Variants in CDS1 observed in about 807,000 individuals in gnomAD.
The protein encoded by CDS1 is phosphatidate cytidylyltransferase 1.
In CDS1, 41 loss-of-function variants were observed where a neutral mutation model predicts 62.1. That is an observed-to-expected ratio of 0.66 (90% confidence interval 0.51 to 0.86). The LOEUF (loss-of-function observed/expected upper bound fraction) is 0.86. Ranked by LOEUF, CDS1 falls within the 40% of genes least tolerant of loss-of-function variation. CDS1 has a pLI of 0.00. For synonymous variants in CDS1, 185 were observed against 192.6 expected, an observed-to-expected ratio of 0.96 and a Z score of 0.32; for missense variants, 470 against 550.1, an observed-to-expected ratio of 0.85 and a Z score of 1.46.
chr4:84,620,465 G>A (rs1184569148), intron 5 of CDS1, among the ~76,000 whole-genome samples: 2 of 151,388 alleles, frequency 1.3e-5, no homozygotes, highest in Non-Finnish European at 2.9e-5. Flanking sequence ...CTCGTGATTC[G>A]CCTGCCTCAG....
At chr4:84,595,108 A>G (rs1722708660) in intron 1 of CDS1, among the ~76,000 whole-genome samples, 2 of 152,192 alleles carry the variant, frequency 1.3e-5, no homozygotes, top group South Asian at 4.1e-4. Flanking sequence ...GCAAGCTGTC[A>G]TATCAAAGCT....
chr4:84,621,011 G>C (rs1254656965), intron 5 of CDS1, among the ~76,000 whole-genome samples: 1 of 151,650 alleles, frequency 6.6e-6, no homozygotes, highest in Non-Finnish European at 1.5e-5. Flanking sequence ...GGTGAGCCGA[G>C]ATCACACCAT....
chr4:84,621,310 C>A (rs1723679959), intron 5 of CDS1, among the ~76,000 whole-genome samples: 1 of 152,114 alleles, frequency 6.6e-6, no homozygotes, highest in Non-Finnish European at 1.5e-5. Context: ...CTGGGTAATT[C>A]TTTTCCATTT....
intron 7 of CDS1, among the ~76,000 whole-genome samples, chr4:84,634,145 G>A (rs1337983360): frequency 6.6e-6 from 1 of 152,070 alleles, no homozygotes; most frequent in Non-Finnish European, 1.5e-5. Flanking sequence ...TCTTATTCAA[G>A]TTCCAAATAT....
At chr4:84,613,436 C>A (rs938746141) in intron 3 of CDS1, among the ~76,000 whole-genome samples, 1 of 152,088 alleles carries the variant, frequency 6.6e-6, no homozygotes, top group African/African-American at 2.4e-5. Context: ...TGGTGAAACC[C>A]TGTCTCTACT....
chr4:84,608,410 G>A (rs1220616557), intron 2 of CDS1, among the ~76,000 whole-genome samples: 3 of 152,214 alleles, frequency 2.0e-5, no homozygotes, highest in Non-Finnish European at 4.4e-5. Flanking sequence ...TCCTGACCTC[G>A]TGATCTGCCC....
intron 4 of CDS1, among the ~76,000 whole-genome samples, chr4:84,617,913 C>CT (rs533037273): frequency 1.3e-5 from 2 of 151,804 alleles, no homozygotes; most frequent in Non-Finnish European, 2.9e-5. Flanking sequence ...CATTCTTGTC[C>CT]TTTTTTTAAT....
intron 1 of CDS1, among the ~76,000 whole-genome samples, chr4:84,593,839 T>A (rs1486599671): frequency 6.6e-6 from 1 of 152,190 alleles, no homozygotes; most frequent in Non-Finnish European, 1.5e-5. Flanking sequence ...AAAAGGCAGA[T>A]CCTAAATTGT....
chr4:84,618,366 A>G (rs981919796), intron 4 of CDS1, among the ~76,000 whole-genome samples: 4 of 152,226 alleles, frequency 2.6e-5, no homozygotes, highest in African/African-American at 9.6e-5. Flanking sequence ...GTGGCAAAGT[A>G]TACAGGAAAT....
At chr4:84,645,412 G>A (rs537999031) in intron 12 of CDS1, 87 bp downstream of exon 12, 16 of 789,936 alleles carry the variant, frequency 2.0e-5, no homozygotes, top group African/African-American at 3.4e-5. Flanking sequence ...AACTTTTTCC[G>A]TCAATGGTAA....
intron 1 of CDS1, among the ~76,000 whole-genome samples, chr4:84,588,851 TTAC>T (rs1722495835): frequency 6.6e-6 from 1 of 152,216 alleles, no homozygotes; most frequent in African/African-American, 2.4e-5. Context: ...TGGTAATTGT[TTAC>T]ATGTAATCAC....
chr4:84,584,537 T>C (rs903898871), intron 1 of CDS1, among the ~76,000 whole-genome samples: 3 of 152,252 alleles, frequency 2.0e-5, no homozygotes, highest in Non-Finnish European at 4.4e-5. Context: ...CTAAGTTTCC[T>C]GATTCCTTTT....
At chr4:84,612,683 G>A (rs950843321) in intron 3 of CDS1, among the ~76,000 whole-genome samples, 2 of 152,064 alleles carry the variant, frequency 1.3e-5, no homozygotes, top group African/African-American at 4.8e-5. Context: ...TTTAATTAAA[G>A]AAGAAAATAA....
intron 5 of CDS1, among the ~76,000 whole-genome samples, chr4:84,629,738 A>G (rs1440714536): frequency 2.0e-5 from 3 of 152,176 alleles, no homozygotes; most frequent in African/African-American, 7.2e-5. Context: ...GAGTCAGACA[A>G]TTGTATCCCA....
intron 1 of CDS1, among the ~76,000 whole-genome samples, chr4:84,593,663 CCTGA>C (rs748812312): frequency 3.6e-4 from 55 of 152,048 alleles, no homozygotes; most frequent in Non-Finnish European, 2.1e-4. Context: ...CTCCACTACG[CCTGA>C]CTAATTTTTG....
At chr4:84,603,550 C>T (rs565389235) in intron 1 of CDS1, among the ~76,000 whole-genome samples, 4 of 152,180 alleles carry the variant, frequency 2.6e-5, no homozygotes, top group Non-Finnish European at 5.9e-5. Context: ...TTGCATTGAT[C>T]ACCCTATCCC....
At chr4:84,608,426 G>A (rs991638372) in intron 2 of CDS1, among the ~76,000 whole-genome samples, 15 of 152,072 alleles carry the variant, frequency 9.9e-5, no homozygotes, top group Non-Finnish European at 1.9e-4. Context: ...TGCCCACCTC[G>A]GCCTCCCAAA....
intron 1 of CDS1, among the ~76,000 whole-genome samples, chr4:84,595,313 C>T (rs139102190): frequency 3.3e-5 from 5 of 152,236 alleles, no homozygotes; most frequent in East Asian, 1.9e-4. Context: ...ACTCAGTTTC[C>T]GAAGTTTCTC....
rs372703154 is a variant in CDS1, at chr4:84,623,421, C to T, written c.580+3888C>T. Among the ~76,000 whole-genome samples the T allele has an allele frequency of 4.2e-3, 639 of 152,324 alleles. 4 individuals carry two copies. The highest frequency in any genetic ancestry group is 0.015 in the African/African-American group (611 of 41,576). On this transcript the variant is annotated intron_variant, in intron 5 of 12. Transcript: ENST00000295887. ...CCAGGTCAGAAGCCTAGGCCTCAGT[C>T]TTGCCTTCCACCGGGCCCTTTCTCC...
Sources: gnomAD v4.1 joint callset for allele counts (sites outside exome capture counted in the v4.1 genomes callset) on GRCh38, gnomAD v4.1.1 for gene constraint, MANE v1.5 for transcripts, NCBI Gene and HGNC (gene_info 2026-07-23, HGNC 2026-07-21) for gene names.